The following VANGL1 variants were observed in gnomAD, a reference collection of about 807,000 sequenced individuals.
VANGL1 encodes the protein vang-like protein 1.
Under a neutral mutation model 48.4 loss-of-function variants are expected in VANGL1, and 18 were observed. That is an observed-to-expected ratio of 0.37 (90% CI 0.26 to 0.55). VANGL1 has a LOEUF of 0.55. VANGL1 is among the 20% of genes least tolerant of loss of function. VANGL1 has a pLI of 0.81. For synonymous variants in VANGL1, 257 were observed against 261.8 expected (o/e 0.98, Z 0.18); for missense variants, 667 against 675.8 (o/e 0.99, Z 0.14).
intron 4 of VANGL1, among the ~76,000 whole-genome samples, chr1:115,667,985 C>T (rs1412425676): frequency 6.6e-6 from 1 of 152,230 alleles, no homozygotes; most frequent in Non-Finnish European, 1.5e-5. Flanking sequence ...ATTACATAGT[C>T]TTACTGGGAG....
chr1:115,661,051 G>A (rs1310891892), intron 3 of VANGL1, among the ~76,000 whole-genome samples: 1 of 152,156 alleles, frequency 6.6e-6, no homozygotes, highest in Non-Finnish European at 1.5e-5. Context: ...CCTCGTAGCT[G>A]AGAACACTTT....
intron 4 of VANGL1, among the ~76,000 whole-genome samples, chr1:115,668,236 C>T (rs1652863580): frequency 6.6e-6 from 1 of 152,172 alleles, no homozygotes; most frequent in South Asian, 2.1e-4. Flanking sequence ...CACGTCACTG[C>T]TTTAGGAACA....
intron 6 of VANGL1, among the ~76,000 whole-genome samples, chr1:115,684,761 G>A (rs886819286): frequency 2.0e-5 from 3 of 152,146 alleles, no homozygotes; most frequent in South Asian, 2.1e-4. Context: ...GGTGTTCACC[G>A]TCAGGTCATA....
In VANGL1 at chr1:115,684,128, TTTTATTTA is replaced by T. The variant is rs34363411; in HGVS notation, c.1079+73_1079+80del. 67 of 1,386,506 alleles carry T rather than the reference TTTTATTTA, an allele frequency of 4.8e-5. 1 individual carries two copies. The Middle Eastern group carries it at 1.2e-3, about 24-fold the overall frequency. 85.9% of individuals were successfully genotyped at this position (1,386,506 alleles called of 1,614,324 possible). On this transcript the variant is annotated intron_variant, in intron 6 of 7. Transcript: ENST00000355485. ...CCTCTTACAGACTTTTAAATTTTTA[TTTTATTTA>T]TTTATTTATTTATTTATTTAGAGAC...
At chr1:115,644,354 A>G (rs1651838199) in intron 1 of VANGL1, among the ~76,000 whole-genome samples, 1 of 152,376 alleles carries the variant, frequency 6.6e-6, no homozygotes, top group South Asian at 2.1e-4. Flanking sequence ...ACACTTGACA[A>G]CTAGAAACTG....
intron 7 of VANGL1, among the ~76,000 whole-genome samples, chr1:115,688,947 G>A (rs1258949945): frequency 1.5e-5 from 2 of 133,748 alleles, no homozygotes; most frequent in Non-Finnish European, 3.2e-5. Context: ...CCACCACCAC[G>A]CCCAGCTAAT....
chr1:115,642,940 G>T (rs967286840), intron 1 of VANGL1, among the ~76,000 whole-genome samples: 1 of 152,226 alleles, frequency 6.6e-6, no homozygotes. Flanking sequence ...GCGGAGCCGC[G>T]GCCTGGCTGC....
chr1:115,691,546 C>T lies in VANGL1; in HGVS notation c.*167C>T, dbSNP rs1023798060. ...CATCTGCACTTTATTTGGAAGGAAG[C>T]AGGGGCTGTCCACCCTGAAAAAGAG... On this transcript the variant is annotated 3_prime_UTR_variant, in exon 8 of 8. Transcript: ENST00000355485. 5 of 748,616 alleles carry T rather than the reference C, an allele frequency of 6.7e-6. No homozygotes were observed. In the East Asian group the frequency reaches 1.1e-4, roughly 17 times the overall value. 46.4% of individuals were successfully genotyped at this position (748,616 alleles called of 1,614,324 possible). A position where few individuals can be genotyped will look rare whatever the true frequency, so the allele number is the denominator to read the frequency against.
At chr1:115,657,396 T>TA (rs1000781339) in intron 2 of VANGL1, among the ~76,000 whole-genome samples, 7 of 152,326 alleles carry the variant, frequency 4.6e-5, no homozygotes, top group African/African-American at 1.7e-4. Context: ...CCACTGACTA[T>TA]AATACTAGCT....
chr1:115,667,775 A>G (rs571399546), intron 4 of VANGL1, among the ~76,000 whole-genome samples: 10 of 152,206 alleles, frequency 6.6e-5, no homozygotes, highest in Non-Finnish European at 1.5e-4. Flanking sequence ...GACTGTTGAT[A>G]TGACTTTATT....
chr1:115,696,703 A>C lies in VANGL1; in HGVS notation c.*5324A>C, dbSNP rs1219137548. 1 of 152,222 alleles carries C rather than the reference A, an allele frequency of 6.6e-6. No homozygotes were observed. Among genetic ancestry groups the C allele is most frequent in the African/African-American group, 2.4e-5 (1 of 41,460 alleles). The allele number at this position is 152,222 out of a possible 1,614,324, so 9.4% of individuals were successfully genotyped here. ...ATAACCCAATTTGTTTTGTCTATGA[A>C]ATAAGCCTCTTTAGTGGGTTGTTTT... On this transcript the variant is annotated 3_prime_UTR_variant, in exon 8 of 8. Coordinates refer to ENST00000355485, the MANE Select transcript of VANGL1 (RefSeq NM_138959.3).
At chr1:115,644,978 T>G (rs1247249092) in intron 1 of VANGL1, among the ~76,000 whole-genome samples, 1 of 152,210 alleles carries the variant, frequency 6.6e-6, no homozygotes, top group African/African-American at 2.4e-5. Context: ...ATCATTGGGT[T>G]TGTCACAAAT....
At chr1:115,649,886 G>A (rs1172601183) in intron 1 of VANGL1, among the ~76,000 whole-genome samples, 1 of 152,172 alleles carries the variant, frequency 6.6e-6, no homozygotes, top group African/African-American at 2.4e-5. Flanking sequence ...AACAGTGGCT[G>A]GGCTCAGACT....
Position 115,688,695 on chromosome 1 carries a change from C to G in VANGL1, c.1315-2424C>G, listed in dbSNP as rs1301619598. Among the ~76,000 whole-genome samples the G allele has an allele frequency of 1.5e-5, 2 of 137,854 alleles. 1 individual carries two copies. Among genetic ancestry groups the G allele is most frequent in the Non-Finnish European group, 3.2e-5 (2 of 63,158 alleles). The allele number at this position is 137,854 out of a possible 152,430, so 90.4% of individuals were successfully genotyped here. A position where few individuals can be genotyped will look rare whatever the true frequency, so the allele number is the denominator to read the frequency against. ...TCTAACATCTGAGATTTTTTATTTC[C>G]CACATACTCGGGAGCATTGGATGTT... On this transcript the variant is annotated intron_variant, in intron 7 of 7. Coordinates refer to ENST00000355485, the MANE Select transcript of VANGL1 (RefSeq NM_138959.3).
chr1:115,664,223 G>A lies in VANGL1; in HGVS notation c.767G>A (p.Arg256His), dbSNP rs752268406. The change falls in exon 4 of 8, where the codon CGC becomes CAC. Residue 256 changes from arginine (R) to histidine (H), a missense_variant. By Grantham distance (29) the Arg-to-His change is conservative. Transcript: ENST00000355485. ...CCCATGTTCACGCTGCAGGTGGTCCGCTCCACCGATGGCGAGTCCCGCTTC... is the reference window on the plus strand; with the variant it reads ...CCCATGTTCACGCTGCAGGTGGTCCACTCCACCGATGGCGAGTCCCGCTTC... ...LQPMFTLQVV[R>H]STDGESRFYS... 67 of 1,613,968 alleles carry A rather than the reference G, an allele frequency of 4.2e-5. No homozygotes were observed. Among genetic ancestry groups the A allele is most frequent in the Non-Finnish European group, 5.0e-5 (59 of 1,179,922 alleles).
chr1:115,683,210 T>C (rs1653457845), intron 5 of VANGL1, among the ~76,000 whole-genome samples: 1 of 152,206 alleles, frequency 6.6e-6, no homozygotes, highest in Non-Finnish European at 1.5e-5. Flanking sequence ...GCCTGAAGGA[T>C]TGATAAATTT....
chr1:115,681,936 AGAAACCT>A (rs1027524037), intron 4 of VANGL1, among the ~76,000 whole-genome samples: 1 of 152,258 alleles, frequency 6.6e-6, no homozygotes, highest in Admixed American at 6.5e-5. Context: ...TGAGGACCTG[AGAAACCT>A]GAATCTATAC....
At chr1:115,656,144 A>G (rs1652345868) in intron 2 of VANGL1, among the ~76,000 whole-genome samples, 1 of 152,144 alleles carries the variant, frequency 6.6e-6, no homozygotes, top group Non-Finnish European at 1.5e-5. Flanking sequence ...CAGTGGGTGG[A>G]AGGTTCTTGG....
intron 4 of VANGL1, among the ~76,000 whole-genome samples, chr1:115,669,640 ATGTG>A (rs1386729221): frequency 1.1e-3 from 26 of 23,272 alleles, no homozygotes; most frequent in Admixed American, 6.3e-3. Context: ...TGTCTGTAAG[ATGTG>A]CCATGTAAGA....
Sources: gnomAD v4.1 joint callset for allele counts (sites outside exome capture counted in the v4.1 genomes callset) on GRCh38, gnomAD v4.1.1 for gene constraint, MANE v1.5 for transcripts, NCBI Gene and HGNC (gene_info 2026-07-23, HGNC 2026-07-21) for gene names.